The following KLF12 variants were observed in gnomAD, a reference collection of about 807,000 sequenced individuals.
KLF12 encodes Krueppel-like factor 12.
A neutral mutation model predicts 37.8 loss-of-function variants in KLF12; 9 were observed. The observed-to-expected ratio is 0.24, with a 90% CI of 0.14 to 0.42. KLF12 has a LOEUF of 0.42. KLF12 is among the 10% of genes least tolerant of loss of function. The pLI, the probability that KLF12 is intolerant of heterozygous loss-of-function variation, is 1.00. For missense variants in KLF12, 411 were observed against 516.0 expected, an observed-to-expected ratio of 0.80 and a Z score of 1.97; for synonymous variants, 208 against 202.1, an observed-to-expected ratio of 1.03 and a Z score of -0.25.
upstream of KLF12, among the ~76,000 whole-genome samples, chr13:74,134,522 TCCACCCCGCC>T (rs1310144102): frequency 3.6e-4 from 53 of 148,242 alleles, no homozygotes; most frequent in Middle Eastern, 3.6e-3. Context: ...CCGCGGCGCC[TCCACCCCGCC>T]CCACCCCGCC....
At chr13:74,046,331 T>TA in intron 1 of KLF12, among the ~76,000 whole-genome samples, 1 of 152,292 alleles carries the variant, frequency 6.6e-6, no homozygotes, top group South Asian at 2.1e-4. Flanking sequence ...AGTTTATTTT[T>TA]AAAAATTCCT....
chr13:73,852,720 T>C (rs1434667262), intron 3 of KLF12, among the ~76,000 whole-genome samples: 1 of 151,896 alleles, frequency 6.6e-6, no homozygotes, highest in Non-Finnish European at 1.5e-5. Flanking sequence ...GAGGTTGTGG[T>C]GAGCCGAGAT....
At chr13:73,888,067 A>G (rs1049666242) in intron 3 of KLF12, among the ~76,000 whole-genome samples, 2 of 151,732 alleles carry the variant, frequency 1.3e-5, no homozygotes, top group African/African-American at 4.8e-5. Flanking sequence ...CAGTGGTACG[A>G]TCTTGGCTTA....
chr13:74,299,999 T>C, the KLF12 span, among the ~76,000 whole-genome samples: 590 of 152,076 alleles, frequency 3.9e-3, 3 homozygotes, highest in South Asian at 8.1e-3. Context: ...GCCTGGGACG[T>C]AGAAAGCAGA....
At chr13:73,854,653 A>G (rs1885512633) in intron 3 of KLF12, among the ~76,000 whole-genome samples, 1 of 152,232 alleles carries the variant, frequency 6.6e-6, no homozygotes, top group Non-Finnish European at 1.5e-5. Context: ...CACCAAGGAT[A>G]CCAAAACTAC....
chr13:73,810,350 G>A (rs551220867), intron 5 of KLF12, among the ~76,000 whole-genome samples: 43 of 152,144 alleles, frequency 2.8e-4, no homozygotes, highest in Admixed American at 1.2e-3. Context: ...TAATATGCAC[G>A]TATTAAAAGC....
chr13:74,235,719 A>G, the KLF12 span, among the ~76,000 whole-genome samples: 39,079 of 152,028 alleles, frequency 0.26, 7,381 homozygotes, highest in African/African-American at 0.53. Flanking sequence ...AGTATGTAAG[A>G]CATATCCAGA....
intron 3 of KLF12, among the ~76,000 whole-genome samples, chr13:73,926,451 T>C (rs367654693): frequency 6.6e-6 from 1 of 152,158 alleles, no homozygotes; most frequent in Non-Finnish European, 1.5e-5. Context: ...GCACACTTAA[T>C]AGAATACAGT....
intron 2 of KLF12, chr13:73,960,380 A>G (rs1366712839): frequency 3.4e-6 from 1 of 297,784 alleles, no homozygotes; most frequent in Non-Finnish European, 7.7e-6. Flanking sequence ...TTGCTTTGAC[A>G]TGTTTTCTCA....
chr13:74,079,414 A>G (rs1010157469), intron 1 of KLF12, among the ~76,000 whole-genome samples: 17 of 152,246 alleles, frequency 1.1e-4, no homozygotes, highest in African/African-American at 3.4e-4. Flanking sequence ...ATTAAAAATA[A>G]CAAAAAGATT....
chr13:74,083,502 A>G (rs1266050614), intron 1 of KLF12, among the ~76,000 whole-genome samples: 2 of 132,838 alleles, frequency 1.5e-5, no homozygotes, highest in Non-Finnish European at 3.2e-5. Context: ...AGACACACAC[A>G]CACACACACA....
At chr13:73,997,599 T>C (rs994822837) in intron 1 of KLF12, among the ~76,000 whole-genome samples, 4 of 152,152 alleles carry the variant, frequency 2.6e-5, no homozygotes, top group Non-Finnish European at 4.4e-5. Flanking sequence ...AATAGGAAAA[T>C]GGCACATTTC....
At chr13:73,757,677 T>C (rs1879264775) in intron 6 of KLF12, among the ~76,000 whole-genome samples, 1 of 152,190 alleles carries the variant, frequency 6.6e-6, no homozygotes, top group Admixed American at 6.5e-5. Flanking sequence ...TTAAGATTTA[T>C]TATCCTGAGC....
chr13:74,290,872 A>G, the KLF12 span, among the ~76,000 whole-genome samples: 1 of 152,240 alleles, frequency 6.6e-6, no homozygotes. Context: ...AGCAAACGCA[A>G]CATAGGAAAA....
intron 1 of KLF12, among the ~76,000 whole-genome samples, chr13:74,115,534 G>T (rs1877247064): frequency 6.6e-6 from 1 of 151,932 alleles, no homozygotes; most frequent in South Asian, 2.1e-4. Context: ...GTGAAACCCT[G>T]TCTCTACTAA....
intron 2 of KLF12, among the ~76,000 whole-genome samples, chr13:73,981,824 A>C (rs1566492508): frequency 6.6e-6 from 1 of 152,174 alleles, no homozygotes; most frequent in Non-Finnish European, 1.5e-5. Flanking sequence ...TCTGCTGGAG[A>C]GTTCATCTCG....
chr13:73,986,321 C>T (rs903188454), intron 2 of KLF12, among the ~76,000 whole-genome samples: 2 of 152,154 alleles, frequency 1.3e-5, no homozygotes, highest in Non-Finnish European at 2.9e-5. Flanking sequence ...CTTCATTTAG[C>T]TGCAAAAGTG....
rs140495630 is a variant in KLF12, at chr13:73,844,195, T to C, written c.670+1632A>G. ...CACATATATAAGATAATATGCAACT[T>C]TGCATGTTTTGCTACTTGTTAATTT... On this transcript the variant is annotated intron_variant, in intron 4 of 7. Transcript: ENST00000377669. Among the ~76,000 whole-genome samples, 39 of 152,318 alleles carry C rather than the reference T, an allele frequency of 2.6e-4. 1 individual carries two copies. The East Asian group carries it at 6.4e-3, about 25-fold the overall frequency.
At chr13:73,828,278 T>C (rs1471213744) in intron 4 of KLF12, among the ~76,000 whole-genome samples, 2 of 152,204 alleles carry the variant, frequency 1.3e-5, no homozygotes, top group African/African-American at 4.8e-5. Flanking sequence ...GTACTATATC[T>C]AGATGTGAGT....
Sources: allele counts gnomAD v4.1 joint callset (sites outside exome capture counted in the v4.1 genomes callset), GRCh38; gene constraint gnomAD v4.1.1; transcripts MANE v1.5; gene names NCBI Gene and HGNC (gene_info 2026-07-23, HGNC 2026-07-21).